Variants in PREX1 observed in about 807,000 individuals in gnomAD.
PREX1 encodes phosphatidylinositol-3,4,5-trisphosphate dependent Rac exchange factor 1, also known as phosphatidylinositol 3,4,5-trisphosphate-dependent Rac exchanger 1 protein.
A neutral mutation model predicts 198.3 loss-of-function variants in PREX1; 41 were observed. The ratio of observed to expected loss-of-function variants is 0.21; its 90% CI spans 0.16 to 0.27. The LOEUF (loss-of-function observed/expected upper bound fraction) is 0.27. Ranked by LOEUF, PREX1 falls within the 10% of genes least tolerant of loss-of-function variation. The probability of loss-of-function intolerance (pLI) is 1.00; values close to 1 mark genes in which losing one functional copy is unlikely to be tolerated. For missense variants in PREX1, 1,620 were observed against 2,200.7 expected, an observed-to-expected ratio of 0.74 and a Z score of 5.28; for synonymous variants, 843 against 887.2, an observed-to-expected ratio of 0.95 and a Z score of 0.89.
At chr20:48,669,941 A>G (rs2122979255) in intron 14 of PREX1, among the ~76,000 whole-genome samples, 1 of 152,322 alleles carries the variant, frequency 6.6e-6, no homozygotes, top group East Asian at 1.9e-4. Flanking sequence ...CCGAGACCCC[A>G]TAAAGATGCC....
intron 5 of PREX1, among the ~76,000 whole-genome samples, chr20:48,724,956 C>A (rs553639682): frequency 6.6e-6 from 1 of 152,346 alleles, no homozygotes; most frequent in African/African-American, 2.4e-5. Flanking sequence ...AAGTTCCTTT[C>A]GAGATTGCTG....
chr20:48,645,758 G>A (rs2089445836), intron 26 of PREX1, 93 bp downstream of exon 26: 2 of 1,377,156 alleles, frequency 1.5e-6, no homozygotes, highest in Non-Finnish European at 2.0e-6. Context: ...ACCCTGAGAA[G>A]TGTCCACTGA....
At chr20:48,756,251 C>T (rs1021577360) in intron 1 of PREX1, among the ~76,000 whole-genome samples, 3 of 152,244 alleles carry the variant, frequency 2.0e-5, no homozygotes, top group Non-Finnish European at 4.4e-5. Context: ...AGAGCCCACA[C>T]CACTGCCCAG....
At chr20:48,679,845 G>A (rs1446708981) in intron 11 of PREX1, 91 bp from the exon 12 acceptor site, 7 of 930,350 alleles carry the variant, frequency 7.5e-6, no homozygotes, top group African/African-American at 3.3e-5. Context: ...TGCCAGCCAC[G>A]CCCCCTCTGC....
chr20:48,852,694 C>G, the PREX1 span, among the ~76,000 whole-genome samples: 1 of 152,116 alleles, frequency 6.6e-6, no homozygotes, highest in South Asian at 2.1e-4. Flanking sequence ...ACACACACAC[C>G]CAGTGATGTA....
chr20:48,628,004 G>A (rs752103192), intron 37 of PREX1, 41 bp from the exon 38 acceptor site: 3 of 1,006,474 alleles, frequency 3.0e-6, no homozygotes, highest in Admixed American at 1.9e-5. Context: ...GCGGTGGGGG[G>A]ACAGGGGTCG....
At chr20:48,815,469 T>C (rs1046099282) in intron 1 of PREX1, among the ~76,000 whole-genome samples, 4 of 152,076 alleles carry the variant, frequency 2.6e-5, no homozygotes, top group Non-Finnish European at 5.9e-5. Context: ...AAACAATGAG[T>C]TATCTGGAAA....
chr20:48,874,454 T>A, the PREX1 span, among the ~76,000 whole-genome samples: 153 of 150,630 alleles, frequency 1.0e-3, no homozygotes, highest in African/African-American at 3.5e-3. Flanking sequence ...TTTAGGAGAG[T>A]GTTCACTATG....
intron 3 of PREX1, among the ~76,000 whole-genome samples, chr20:48,737,215 CAAAAAAAAAAAAAAA>C (rs140010281): frequency 3.7e-4 from 13 of 35,302 alleles, no homozygotes; most frequent in Middle Eastern, 0.024. Flanking sequence ...GTTTTGACAG[CAAAAAAAAAAAAAAA>C]AAAAAAAAAA....
In PREX1 at chr20:48,666,231, C is replaced by CAGCT. The variant is rs1329287788; in HGVS notation, c.1738+48_1738+51dup. On this transcript the variant is annotated intron_variant, in intron 15 of 39. Coordinates refer to ENST00000371941, the MANE Select transcript of PREX1 (RefSeq NM_020820.4). This position sits in a 1 kb window ranked among gnomAD's most constrained non-coding sequence, Gnocchi z 4.3. ...GTCCTCCCATACTCCCCCAAACCAT[C>CAGCT]AGCTCCAGGGAGCAAGGTCCCGGGG... The CAGCT allele has an allele frequency of 1.3e-5, 20 of 1,497,924 alleles. No homozygotes were observed. The Admixed American group carries it at 2.2e-4, about 16-fold the overall frequency. The allele number at this position is 1,497,924 out of a possible 1,614,324, so 92.8% of individuals were successfully genotyped here. A position where few individuals can be genotyped will look rare whatever the true frequency, so the allele number is the denominator to read the frequency against.
At position 48,636,563 on chromosome 20, in the gene PREX1, T is replaced by A. The variant is rs2089365830; in HGVS notation, c.4067A>T (p.Tyr1356Phe). 2 of 1,611,764 alleles carry A rather than the reference T, an allele frequency of 1.2e-6. No homozygotes were observed. The highest frequency in any genetic ancestry group is 1.7e-6 in the Non-Finnish European group (2 of 1,179,696). ...LGYRYNNNGE[Y>F]EESSRDASRK... ...GCTGGCGTCGCGGCTGCTCTCCTCG[T>A]ACTCGCCATTGTTGTTGTAGCGGTA... Residue 1356 changes from tyrosine to phenylalanine, a missense_variant, in exon 32 of 40, where the codon TAC becomes TTC. Tyr to Phe is a conservative substitution (Grantham distance 22). This residue lies in a region of PREX1 where 476 missense variants were observed against 603.4 expected (regional missense o/e 0.79). Coordinates refer to ENST00000371941, the MANE Select transcript of PREX1 (RefSeq NM_020820.4).
At chr20:48,840,967 TAA>T in the PREX1 span, among the ~76,000 whole-genome samples, 4 of 150,972 alleles carry the variant, frequency 2.6e-5, no homozygotes, top group East Asian at 1.9e-4. Flanking sequence ...AGTAGCTGAT[TAA>T]AAAAAAAAAT....
At chr20:48,643,131 C>T (rs1380021657) in intron 27 of PREX1, among the ~76,000 whole-genome samples, 1 of 152,158 alleles carries the variant, frequency 6.6e-6, no homozygotes, top group Non-Finnish European at 1.5e-5. Flanking sequence ...GGATACACAA[C>T]CCATTTGCAA....
In PREX1 at chr20:48,649,356, G is replaced by T; in HGVS notation, c.3249C>A (p.Phe1083Leu). 6.2e-7 allele frequency: 1 copy of T among 1,614,170 alleles called. No individual in the cohort carries two copies. Among genetic ancestry groups the T allele is most frequent in the South Asian group, 1.1e-5 (1 of 91,086 alleles). Residue 1083 changes from phenylalanine to leucine, a missense_variant, in exon 25 of 40, where the codon TTC becomes TTA. Around this residue, in one of 7 missense-constraint regions of PREX1, gnomAD observed 514 missense variants for 611.6 expected, o/e 0.84. Transcript: ENST00000371941. ...REIQDAYLQL[F>L]TKLDVALKEM... ...CCTTCAGGGCCACATCCAGCTTGGT[G>T]AAGAGCTGCAGGTAGGCATCCTGGA... is the stretch of plus-strand genomic sequence containing the variant.
At chr20:48,757,272 CT>C (rs35467875) in intron 1 of PREX1, among the ~76,000 whole-genome samples, 11,415 of 152,302 alleles carry the variant, frequency 0.075, 527 homozygotes, top group South Asian at 0.18. Flanking sequence ...TGTTTCTTCA[CT>C]TACAGTTCCT....
intron 13 of PREX1, among the ~76,000 whole-genome samples, 169 bp downstream of exon 13, chr20:48,679,191 C>T (rs1279531043): frequency 5.9e-5 from 9 of 152,178 alleles, no homozygotes; most frequent in Non-Finnish European, 4.4e-5. Flanking sequence ...CAGTGCTTCC[C>T]ACAATTTAAT....
chr20:48,821,073 G>A (rs6125474), intron 1 of PREX1, among the ~76,000 whole-genome samples: 12,406 of 152,160 alleles, frequency 0.082, 536 homozygotes, highest in South Asian at 0.15. Flanking sequence ...ATGGTGGCAC[G>A]TGCCTGTAGT....
chr20:48,661,468 T>TATATATATATATATACACACACAC (rs1373152651), intron 15 of PREX1, among the ~76,000 whole-genome samples: 1 of 76,816 alleles, frequency 1.3e-5, no homozygotes, highest in African/African-American at 1.0e-4. Flanking sequence ...TATATATATA[T>TATATATATATATATACACACACAC]ACACACACAT....
At chr20:48,690,159 C>T (rs771307788) in intron 9 of PREX1, among the ~76,000 whole-genome samples, 1 of 152,138 alleles carries the variant, frequency 6.6e-6, no homozygotes, top group Non-Finnish European at 1.5e-5. Context: ...TGAGCATCTA[C>T]GACACCTCCA....
Sources: allele counts gnomAD v4.1 joint callset (sites outside exome capture counted in the v4.1 genomes callset), GRCh38; gene constraint gnomAD v4.1.1; regional missense constraint gnomAD v4.1.1; non-coding constraint Gnocchi (gnomAD v3.1); transcripts MANE v1.5; gene names NCBI Gene and HGNC (gene_info 2026-07-23, HGNC 2026-07-21).